Variants in PROM2 observed in about 807,000 individuals in gnomAD.
PROM2 encodes the protein prominin 2.
Under a neutral mutation model 110.2 loss-of-function variants are expected in PROM2, and 90 were observed. The ratio of observed to expected loss-of-function variants is 0.82; its 90% CI spans 0.69 to 0.97. The LOEUF (loss-of-function observed/expected upper bound fraction) is 0.97. Among genes scored for constraint, PROM2 ranks in the 50% least tolerant of loss-of-function variants. The pLI is 0.00. For missense variants in PROM2, 1,009 were observed against 1,074.8 expected (o/e 0.94, Z 0.86); for synonymous variants, 470 against 467.8 (o/e 1.00, Z -0.06).
In PROM2 at chr2:95,276,010, T is replaced by C; in HGVS notation, c.375T>C (p.Leu125=). ...LYLLLVPTAG[L]CFCCCRCHRR... is the part of the protein sequence containing the mutation. ...TGCTGCTGGTGCCCACTGCCGGGCT[T>C]TGCTTCTGCTGCTGCCGCTGCCACC... The change falls in exon 3 of 24, where the codon CTT becomes CTC. Residue 125 remains leucine (L), a synonymous_variant. Coordinates refer to ENST00000317620, the MANE Select transcript of PROM2 (RefSeq NM_001165978.3). This position sits in a 1 kb window ranked among gnomAD's most constrained non-coding sequence, Gnocchi z 4.6. The C allele has an allele frequency of 6.2e-7, 1 of 1,611,904 alleles. No individual in the cohort carries two copies. The highest frequency in any genetic ancestry group is 8.5e-7 in the Non-Finnish European group (1 of 1,179,844).
rs762292638 is a variant in PROM2, at chr2:95,277,456, G to A, written c.865G>A (p.Glu289Lys). ...GQQDLEPAIR[E>K]HRDRLLELLQ... ...GCAGGACCTGGAGCCAGCCATCCGG[G>A]AACACCGGGACCGCCTCCTTGAGCT... Residue 289 changes from glutamate to lysine, a missense_variant, in exon 7 of 24, where the codon GAA becomes AAA. Transcript: ENST00000317620. 8 of 1,613,164 alleles carry A rather than the reference G, an allele frequency of 5.0e-6. No homozygotes were observed. The highest frequency in any genetic ancestry group is 1.1e-5 in the South Asian group (1 of 91,052).
At position 95,276,984 on chromosome 2, in the gene PROM2, G is replaced by A. The variant is rs760825176; in HGVS notation, c.695G>A (p.Ser232Asn). Residue 232 changes from serine (S) to asparagine (N), a missense_variant, in exon 6 of 24, where the codon AGC (serine) becomes AAC (asparagine). Coordinates refer to ENST00000317620, the MANE Select transcript of PROM2 (RefSeq NM_001165978.3). This position sits in a 1 kb window ranked among gnomAD's most constrained non-coding sequence, Gnocchi z 4.6. Reference sequence around the variant, plus strand: ...CTGTGCTCTGCAGGTGTTGGTGTGAGCATTGGGAGCGCGATCCACACTCAG... The same window carrying A: ...CTGTGCTCTGCAGGTGTTGGTGTGAACATTGGGAGCGCGATCCACACTCAG... ...VSEELDGVGV[S>N]IGSAIHTQLR... 5.0e-5 allele frequency: 78 copies of A among 1,551,386 alleles called. 1 individual carries two copies. The East Asian group carries it at 1.9e-3, about 37-fold the overall frequency.
intron 9 of PROM2, 100 bp from the exon 10 acceptor site, chr2:95,278,885 C>T (rs1209522511): frequency 6.2e-7 from 1 of 1,605,554 alleles, no homozygotes; most frequent in Admixed American, 1.7e-5. Flanking sequence ...GGGGGACTGT[C>T]TTCCCTCTGT....
At position 95,276,194 on chromosome 2, in the gene PROM2, G is replaced by A; in HGVS notation, c.498-33G>A. ...TGGCCCCCAGGCTCCCTCTTACCCA[G>A]CAAGCACCTTCCTCCTCCCTCCATT... On this transcript the variant is annotated intron_variant, in intron 3 of 23. Coordinates refer to ENST00000317620, the MANE Select transcript of PROM2 (RefSeq NM_001165978.3). This position sits in a 1 kb window ranked among gnomAD's most constrained non-coding sequence, Gnocchi z 4.6. 6.2e-7 allele frequency: 1 copy of A among 1,613,544 alleles called. No homozygotes were observed.
At chr2:95,283,935 C>T (rs1236382603) in intron 14 of PROM2, among the ~76,000 whole-genome samples, 3 of 152,216 alleles carry the variant, frequency 2.0e-5, no homozygotes, top group Non-Finnish European at 4.4e-5. Flanking sequence ...GAACAATTAA[C>T]CCACAAATAA....
chr2:95,274,983 C>T lies in PROM2; in HGVS notation c.244+154C>T, dbSNP rs544372079. ...GGAGGATCTGGGGAGGGCTCCAGAA[C>T]CTGCTGTGTGACTGTGGGTAAGCCT... On this transcript the variant is annotated intron_variant, in intron 1 of 23. Coordinates refer to ENST00000317620, the MANE Select transcript of PROM2 (RefSeq NM_001165978.3). The T allele has an allele frequency of 5.1e-6, 5 of 973,794 alleles. No homozygotes were observed. In the South Asian group the frequency reaches 8.6e-5, roughly 17 times the overall value. The allele number at this position is 973,794 out of a possible 1,614,324, so 60.3% of individuals were successfully genotyped here.
chr2:95,286,639 G>A (rs1341353328), intron 17 of PROM2, 68 bp downstream of exon 17: 2 of 1,442,572 alleles, frequency 1.4e-6, no homozygotes, highest in African/African-American at 2.8e-5. Context: ...ACAGTGAAAG[G>A]GGAGGGAAGT....
rs559367847 is a variant in PROM2 at position 95,285,371 on chromosome 2, C to T, written c.1875+256C>T. ...GTTGCTGTTCATGGTCCTGAACCCA[C>T]TGCTGCCGAGGACGCATTGGGAAGT... On this transcript the variant is annotated intron_variant, in intron 15 of 23. Coordinates refer to ENST00000317620, the MANE Select transcript of PROM2 (RefSeq NM_001165978.3). Among the ~76,000 whole-genome samples, 5 of 152,358 alleles carry T rather than the reference C, an allele frequency of 3.3e-5. No homozygotes were observed. In the East Asian group the frequency reaches 9.7e-4, roughly 29 times the overall value.
Position 95,275,997 on chromosome 2 carries a change from C to T in PROM2, c.362C>T (p.Pro121Leu). The T allele has an allele frequency of 1.9e-6, 3 of 1,612,134 alleles. No homozygotes were observed. Among genetic ancestry groups the T allele is most frequent in the Non-Finnish European group, 1.7e-6 (2 of 1,179,860 alleles). ...GCGGGCCTCTACCTGCTGCTGGTGC[C>T]CACTGCCGGGCTTTGCTTCTGCTGC... ...VIAGLYLLLV[P>L]TAGLCFCCCR... Residue 121 changes from proline to leucine, a missense_variant, in exon 3 of 24, where the codon CCC becomes CTC. Pro to Leu is a moderately conservative substitution (Grantham distance 98). Transcript: ENST00000317620. This position sits in a 1 kb window ranked among gnomAD's most constrained non-coding sequence, Gnocchi z 4.4.
intron 20 of PROM2, 125 bp from the exon 21 acceptor site, chr2:95,288,086 G>T (rs191613385): frequency 3.6e-6 from 3 of 826,312 alleles, no homozygotes; most frequent in Non-Finnish European, 4.0e-6. Flanking sequence ...ACAAGTGTGC[G>T]GTGGCCCCAA....
At chr2:95,277,643 C>A in intron 7 of PROM2, 77 bp downstream of exon 7, 1 of 1,355,666 alleles carries the variant, frequency 7.4e-7, no homozygotes, top group Non-Finnish European at 9.8e-7. Flanking sequence ...GGCAAATTCC[C>A]AGTCCCCTTG....
At chr2:95,289,183 C>A (rs1677558558) in intron 23 of PROM2, 41 bp from the exon 24 acceptor site, 2 of 608,982 alleles carry the variant, frequency 3.3e-6, no homozygotes, top group African/African-American at 1.8e-5. Flanking sequence ...CCTGTTCTCC[C>A]CTCCCTCCCC....
chr2:95,279,885 G>T lies in PROM2; in HGVS notation c.1315G>T (p.Val439Leu), dbSNP rs536541465. Residue 439 changes from valine (V) to leucine (L), a missense_variant, in exon 11 of 24, where the codon GTG (valine) becomes TTG (leucine). Transcript: ENST00000317620. ...CGTGCTGTGCTCCGTGGTCCTATTC[G>T]TGGTGCTCTGCAACCTGCTGGGCCT... The part of the protein sequence containing the change: ...GCVLCSVVLF[V>L]VLCNLLGLNL... 1.9e-6 allele frequency: 3 copies of T among 1,551,284 alleles called. No individual in the cohort carries two copies. The highest frequency in any genetic ancestry group is 1.2e-5 in the South Asian group (1 of 82,654).
In PROM2 at chr2:95,290,522, C is replaced by T. The variant is rs924287216; in HGVS notation, c.*1309C>T. 1.3e-5 allele frequency: 2 copies of T among 152,180 alleles called. No homozygotes were observed. Among genetic ancestry groups the T allele is most frequent in the Middle Eastern group, 3.2e-3 (1 of 316 alleles). The allele number at this position is 152,180 out of a possible 1,614,324, so 9.4% of individuals were successfully genotyped here. On this transcript the variant is annotated 3_prime_UTR_variant, in exon 24 of 24. Transcript: ENST00000317620. ...GGAGCAGGCAGACCTGGACTCACAG[C>T]CTGGCTGTGATGCTTGTTCGCTCAG...
intron 14 of PROM2, among the ~76,000 whole-genome samples, chr2:95,284,281 G>A (rs1677212487): frequency 6.6e-6 from 1 of 152,190 alleles, no homozygotes. Flanking sequence ...GATTACTTGA[G>A]CCTAGGAGTT....
Position 95,290,526 on chromosome 2 carries a change from G to A in PROM2, c.*1313G>A, listed in dbSNP as rs1051433594. 1.6e-4 allele frequency: 25 copies of A among 152,204 alleles called. No individual in the cohort carries two copies. Among genetic ancestry groups the A allele is most frequent in the African/African-American group, 5.5e-4 (23 of 41,450 alleles). The allele number at this position is 152,204 out of a possible 1,614,324, so 9.4% of individuals were successfully genotyped here. A position where few individuals can be genotyped will look rare whatever the true frequency, so the allele number is the denominator to read the frequency against. ...CAGGCAGACCTGGACTCACAGCCTG[G>A]CTGTGATGCTTGTTCGCTCAGCTTC... On this transcript the variant is annotated 3_prime_UTR_variant, in exon 24 of 24. Transcript: ENST00000317620.
chr2:95,277,522 C>G lies in PROM2; in HGVS notation c.931C>G (p.Leu311Val), dbSNP rs1676747543. The change falls in exon 7 of 24, where the codon CTG (leucine) becomes GTG (valine). Residue 311 changes from leucine (L) to valine (V), a missense_variant. Physicochemically the swap from Leu to Val is conservative, Grantham distance 32. Transcript: ENST00000317620. ...GTGCCAGGGAGATTGTGCAGGGGCC[C>G]TGAGCTGGGCCCGCACCCTGGAGCT... ...ARCQGDCAGA[L>V]SWARTLELGA... The G allele has an allele frequency of 3.1e-6, 5 of 1,607,250 alleles. No individual in the cohort carries two copies. The highest frequency in any genetic ancestry group is 4.2e-6 in the Non-Finnish European group (5 of 1,177,406).
At position 95,286,587 on chromosome 2, in the gene PROM2, C is replaced by T. The variant is rs371297128; in HGVS notation, c.2040+16C>T. The T allele has an allele frequency of 9.9e-5, 159 of 1,609,464 alleles. 1 individual carries two copies. The highest frequency in any genetic ancestry group is 5.7e-4 in the Middle Eastern group (3 of 5,246). On this transcript the variant is annotated intron_variant, in intron 17 of 23. Transcript: ENST00000317620. ...GAGCCTTGTGGTCAGTTTGGAGGCC[C>T]GGGGAGCCTGGGGCCTGGGGGAGGG...
chr2:95,284,074 A>G (rs1194687652), intron 14 of PROM2, among the ~76,000 whole-genome samples: 1 of 152,216 alleles, frequency 6.6e-6, no homozygotes, highest in Non-Finnish European at 1.5e-5. Context: ...CCAGATGGGC[A>G]CTGGAGGAAG....
Sources: allele counts gnomAD v4.1 joint callset (sites outside exome capture counted in the v4.1 genomes callset), GRCh38; gene constraint gnomAD v4.1.1; non-coding constraint Gnocchi (gnomAD v3.1); transcripts MANE v1.5; gene names NCBI Gene and HGNC (gene_info 2026-07-23, HGNC 2026-07-21).